HCN4: variants seen among roughly 807,000 people sequenced by gnomAD.
The protein encoded by HCN4 is potassium/sodium hyperpolarization-activated cyclic nucleotide-gated channel 4.
In HCN4, 29 loss-of-function variants were observed where a neutral mutation model predicts 76.9. That is an observed-to-expected ratio of 0.38 (90% CI 0.28 to 0.51). The LOEUF (loss-of-function observed/expected upper bound fraction) is 0.51. Ranked by LOEUF, HCN4 falls within the 20% of genes least tolerant of loss-of-function variation. The probability of loss-of-function intolerance (pLI) is 0.90; values close to 1 mark genes in which losing one functional copy is unlikely to be tolerated. For synonymous variants in HCN4, 772 were observed against 762.5 expected (o/e 1.01, Z -0.21); for missense variants, 1,416 against 1,715.2 (o/e 0.83, Z 3.08).
At chr15:73,345,715 C>A (rs1250979532) in intron 1 of HCN4, among the ~76,000 whole-genome samples, 2 of 152,188 alleles carry the variant, frequency 1.3e-5, no homozygotes, top group African/African-American at 4.8e-5. Flanking sequence ...CCTCTATACA[C>A]TCTGCTGTCA....
At chr15:73,344,345 C>T (rs1280266157) in intron 1 of HCN4, among the ~76,000 whole-genome samples, 3 of 152,224 alleles carry the variant, frequency 2.0e-5, no homozygotes, top group Non-Finnish European at 4.4e-5. Context: ...TTGTCATCAA[C>T]ATGCTATGTG....
At chr15:73,326,094 TAAG>T (rs1471696043) in intron 4 of HCN4, among the ~76,000 whole-genome samples, 3 of 151,918 alleles carry the variant, frequency 2.0e-5, no homozygotes, top group South Asian at 2.1e-4. Context: ...CTCAAACAAA[TAAG>T]AAACGATCCT....
rs2042992220 is a variant in HCN4, at chr15:73,340,220, G to A, written c.1209+3165C>T. Among the ~76,000 whole-genome samples, 3 of 152,182 alleles carry A rather than the reference G, an allele frequency of 2.0e-5. No homozygotes were observed. In the South Asian group the frequency reaches 6.2e-4, roughly 31 times the overall value. On this transcript the variant is annotated intron_variant, in intron 2 of 7. Coordinates refer to ENST00000261917, the MANE Select transcript of HCN4 (RefSeq NM_005477.3). ...CATAATGTGGGGACGTGAAAGACAA[G>A]CTTAGCTCCAACCCACGACTCACCC...
chr15:73,336,637 C>T (rs1460310940), intron 2 of HCN4, among the ~76,000 whole-genome samples: 5 of 152,170 alleles, frequency 3.3e-5, no homozygotes, highest in African/African-American at 7.2e-5. Context: ...GAGTGAGTCT[C>T]TCATCCCTCC....
At chr15:73,350,413 C>T (rs985494461) in intron 1 of HCN4, among the ~76,000 whole-genome samples, 2 of 152,180 alleles carry the variant, frequency 1.3e-5, no homozygotes, top group Admixed American at 6.5e-5. Flanking sequence ...CTTAGCTCCT[C>T]ATGCCTCAAT....
chr15:73,322,875 G>C lies in HCN4; in HGVS notation c.3218C>G (p.Pro1073Arg), dbSNP rs982016034. Residue 1073 changes from proline (P) to arginine (R), a missense_variant, in exon 8 of 8, where the codon CCG (proline) becomes CGG (arginine). Around this residue, in one of 6 missense-constraint regions of HCN4, gnomAD observed 633 missense variants for 579.8 expected, o/e 1.09. Coordinates refer to ENST00000261917, the MANE Select transcript of HCN4 (RefSeq NM_005477.3). ...CTGGGTGAGGCGGCCGGGGGTGAGCGGGGGTGTGCCCCGGCGCTGGGGGAC... is the reference window on the plus strand; with the variant it reads ...CTGGGTGAGGCGGCCGGGGGTGAGCCGGGGTGTGCCCCGGCGCTGGGGGAC... Reference protein sequence around the residue: ...PQVPQRRGTPPLTPGRLTQDL... With the variant: ...PQVPQRRGTPRLTPGRLTQDL... 1 of 1,476,018 alleles carries C rather than the reference G, an allele frequency of 6.8e-7. No homozygotes were observed. The highest frequency in any genetic ancestry group is 1.4e-5 in the African/African-American group (1 of 71,780). The allele number at this position is 1,476,018 out of a possible 1,614,324, so 91.4% of individuals were successfully genotyped here.
chr15:73,346,874 G>A (rs532620756), intron 1 of HCN4, among the ~76,000 whole-genome samples: 1 of 152,232 alleles, frequency 6.6e-6, no homozygotes, highest in Admixed American at 6.5e-5. Context: ...GTCTCCGAAA[G>A]CCAGGCCCTG....
At chr15:73,332,076 A>T (rs747812026) in intron 3 of HCN4, 55 bp downstream of exon 3, 1 of 1,570,416 alleles carries the variant, frequency 6.4e-7, no homozygotes, top group African/African-American at 1.4e-5. Context: ...TCGCCACCCT[A>T]CCTCTGGAGA....
Position 73,324,228 on chromosome 15 carries a change from C to T in HCN4, c.2004G>A (p.Arg668=). 6.2e-7 allele frequency: 1 copy of T among 1,613,964 alleles called. No individual in the cohort carries two copies. The highest frequency in any genetic ancestry group is 1.1e-5 in the South Asian group (1 of 91,078). The change falls in exon 7 of 8, where the codon CGG becomes CGA. Residue 668 remains arginine (R), a synonymous_variant. Coordinates refer to ENST00000261917, the MANE Select transcript of HCN4 (RefSeq NM_005477.3). ...TGTCGGCCCTCACGCTGGCTGTGCGCCGGCCCCGGGTCAGCAGGCAGATCT... is the reference window on the plus strand; with the variant it reads ...TGTCGGCCCTCACGCTGGCTGTGCGTCGGCCCCGGGTCAGCAGGCAGATCT... ...FGEICLLTRG[R]RTASVRADTY...
Position 73,324,238 on chromosome 15 carries a change from G to A in HCN4, c.1994C>T (p.Thr665Ile). The A allele has an allele frequency of 6.2e-7, 1 of 1,613,950 alleles. No individual in the cohort carries two copies. The highest frequency in any genetic ancestry group is 1.1e-5 in the South Asian group (1 of 91,082). The change falls in exon 7 of 8, where the codon ACC (threonine) becomes ATC (isoleucine). Residue 665 changes from threonine (T) to isoleucine (I), a missense_variant. Transcript: ENST00000261917. The stretch of plus-strand genomic sequence containing the variant: ...CACGCTGGCTGTGCGCCGGCCCCGG[G>A]TCAGCAGGCAGATCTCTGCCAGAGC... ...GSYFGEICLL[T>I]RGRRTASVRA...
At chr15:73,327,712 G>A (rs2151216384) in intron 4 of HCN4, among the ~76,000 whole-genome samples, 1 of 152,208 alleles carries the variant, frequency 6.6e-6, no homozygotes, top group South Asian at 2.1e-4. Flanking sequence ...CTAGGACCCT[G>A]TGTTCTAGCC....
Position 73,329,503 on chromosome 15 carries a change from C to G in HCN4, c.1590+70G>C, listed in dbSNP as rs1278160905. 2.7e-6 allele frequency: 4 copies of G among 1,467,872 alleles called. No homozygotes were observed. In the African/African-American group the frequency reaches 5.6e-5, roughly 20 times the overall value. The allele number at this position is 1,467,872 out of a possible 1,614,324, so 90.9% of individuals were successfully genotyped here. A position where few individuals can be genotyped will look rare whatever the true frequency, so the allele number is the denominator to read the frequency against. ...AGCAGGGGGCGGTTCCTGCTGGGGG[C>G]CCACTGGCTGGTGGCCTGTGCTCCC... On this transcript the variant is annotated intron_variant, in intron 4 of 7. Coordinates refer to ENST00000261917, the MANE Select transcript of HCN4 (RefSeq NM_005477.3).
chr15:73,362,608 G>A (rs982968932), intron 1 of HCN4, among the ~76,000 whole-genome samples: 1 of 152,250 alleles, frequency 6.6e-6, no homozygotes, highest in Admixed American at 6.5e-5. Context: ...GGTGGCCAGG[G>A]TGGCCTGAGA....
At chr15:73,364,197 G>A (rs1003489097) in intron 1 of HCN4, among the ~76,000 whole-genome samples, 3 of 152,118 alleles carry the variant, frequency 2.0e-5, no homozygotes, top group African/African-American at 7.2e-5. Context: ...TATTAAGGCT[G>A]AGCCAGCTTT....
At position 73,322,305 on chromosome 15, in the gene HCN4, C is replaced by A; in HGVS notation, c.*176G>T. 1 of 666,368 alleles carries A rather than the reference C, an allele frequency of 1.5e-6. No homozygotes were observed. Among genetic ancestry groups the A allele is most frequent in the Non-Finnish European group, 2.7e-6 (1 of 376,960 alleles). The allele number at this position is 666,368 out of a possible 1,614,324, so 41.3% of individuals were successfully genotyped here. On this transcript the variant is annotated 3_prime_UTR_variant, in exon 8 of 8. Coordinates refer to ENST00000261917, the MANE Select transcript of HCN4 (RefSeq NM_005477.3). Reference sequence around the variant, plus strand: ...AAAATAGTCTATAAAAGCAAGTGACCAAAAATCTATAGCTCTAAGAATACC... The same window carrying A: ...AAAATAGTCTATAAAAGCAAGTGACAAAAAATCTATAGCTCTAAGAATACC...
At chr15:73,331,627 G>A (rs2042933199) in intron 3 of HCN4, among the ~76,000 whole-genome samples, 1 of 152,126 alleles carries the variant, frequency 6.6e-6, no homozygotes, top group Admixed American at 6.5e-5. Context: ...TTTATTTGTT[G>A]AAGTCAGGGG....
In HCN4 at chr15:73,328,868, C is replaced by T. The variant is rs978998775; in HGVS notation, c.1590+705G>A. 6.6e-6 allele frequency among the ~76,000 whole-genome samples: 1 copy of T among 152,146 alleles called. No homozygotes were observed. Among genetic ancestry groups the T allele is most frequent in the Non-Finnish European group, 1.5e-5 (1 of 68,032 alleles). On this transcript the variant is annotated intron_variant, in intron 4 of 7. Coordinates refer to ENST00000261917, the MANE Select transcript of HCN4 (RefSeq NM_005477.3). This position sits in a 1 kb window ranked among gnomAD's most constrained non-coding sequence, Gnocchi z 4.0. Reference sequence around the variant, plus strand: ...GATGACAGAGAGAGGCCAGGGATGGCTCCTAGTCTCTGGCCTGGGCATCTG... The same window carrying T: ...GATGACAGAGAGAGGCCAGGGATGGTTCCTAGTCTCTGGCCTGGGCATCTG...
At chr15:73,354,253 G>A (rs11631816) in intron 1 of HCN4, among the ~76,000 whole-genome samples, 10,501 of 152,248 alleles carry the variant, frequency 0.069, 416 homozygotes, top group East Asian at 0.095. Context: ...CCTCTTCTAA[G>A]GTACCTCCCC....
intron 1 of HCN4, among the ~76,000 whole-genome samples, chr15:73,359,401 G>C (rs943116408): frequency 2.6e-5 from 4 of 152,204 alleles, no homozygotes; most frequent in African/African-American, 7.2e-5. Context: ...GGCAGTGGTG[G>C]CTCTGTTGTT....
Sources: gnomAD v4.1 joint callset for allele counts (sites outside exome capture counted in the v4.1 genomes callset) on GRCh38, gnomAD v4.1.1 for gene constraint, gnomAD v4.1.1 regional missense constraint, Gnocchi (gnomAD v3.1) non-coding constraint, MANE v1.5 for transcripts, NCBI Gene and HGNC (gene_info 2026-07-23, HGNC 2026-07-21) for gene names.